Variants in ALOX15 observed in about 807,000 individuals in gnomAD.
ALOX15 encodes the protein polyunsaturated fatty acid lipoxygenase ALOX15.
A neutral mutation model predicts 71.7 loss-of-function variants in ALOX15; 68 were observed. The ratio of observed to expected loss-of-function variants is 0.95; its 90% confidence interval spans 0.78 to 1.16. ALOX15 has a LOEUF of 1.16. Among genes scored for constraint, ALOX15 ranks in the 50% most tolerant of loss-of-function variants. The pLI, the probability that ALOX15 is intolerant of heterozygous loss-of-function variation, is 0.00. For missense variants in ALOX15, 798 were observed against 818.8 expected, an observed-to-expected ratio of 0.97 and a Z score of 0.31; for synonymous variants, 346 against 333.3, an observed-to-expected ratio of 1.04 and a Z score of -0.42.
rs1449541804 is a variant in ALOX15, at chr17:4,632,149, C to A, written c.1641+32G>T. On this transcript the variant is annotated intron_variant, in intron 12 of 13. Transcript: ENST00000293761. ...CAGACCCCTCCCTCACTCCAGGCCC[C>A]AAATTCCCAGCTGCCCATCTCTGGT... The A allele has an allele frequency of 1.4e-5, 23 of 1,613,806 alleles. No homozygotes were observed. The Admixed American group carries it at 2.5e-4, about 18-fold the overall frequency.
intron 6 of ALOX15, among the ~76,000 whole-genome samples, chr17:4,637,747 T>A (rs8066248): frequency 6.6e-6 from 1 of 151,614 alleles, no homozygotes. Context: ...AGCCTCAATT[T>A]TACAGAAGAG....
At chr17:4,635,474 G>A (rs560022473) in intron 8 of ALOX15, among the ~76,000 whole-genome samples, 7 of 151,746 alleles carry the variant, frequency 4.6e-5, no homozygotes, top group African/African-American at 1.4e-4. Context: ...TCTTTTTAAC[G>A]TTATTTCACG....
At chr17:4,635,464 T>C (rs1340875361) in intron 8 of ALOX15, among the ~76,000 whole-genome samples, 1 of 151,744 alleles carries the variant, frequency 6.6e-6, no homozygotes, top group Non-Finnish European at 1.5e-5. Flanking sequence ...CTGGAAAAGA[T>C]CTTTTTAACG....
rs1911240296 is a variant in ALOX15, at chr17:4,639,493, C to T, written c.274G>A (p.Val92Ile). The T allele has an allele frequency of 1.2e-6, 2 of 1,613,844 alleles. No homozygotes were observed. Among genetic ancestry groups the T allele is most frequent in the African/African-American group, 1.3e-5 (1 of 74,940 alleles). The part of the protein sequence containing the change: ...SVQGPGAGDE[V>I]RFPCYRWVEG... ...ACCCAGCGGTAACAAGGGAACCTGA[C>T]CTCGTCCCCGGCTCCGGGGCCCTGC... Residue 92 changes from valine to isoleucine, a missense_variant, in exon 2 of 14, where the codon GTC becomes ATC. By Grantham distance (29) the Val-to-Ile change is conservative. This residue lies in a region of ALOX15 where 300 missense variants were observed against 283.1 expected (regional missense o/e 1.06). Coordinates refer to ENST00000293761, the MANE Select transcript of ALOX15 (RefSeq NM_001140.5).
At chr17:4,638,417 C>T (rs1271770964) in intron 5 of ALOX15, 40 bp from the exon 6 acceptor site, 3 of 789,270 alleles carry the variant, frequency 3.8e-6, no homozygotes, top group Non-Finnish European at 6.3e-6. Context: ...GGGATCTGAG[C>T]TCTTGGTCCT....
chr17:4,641,520 GC>G lies in ALOX15; in HGVS notation c.131del (p.Gly44AlafsTer20). 1 of 1,612,754 alleles carries G rather than the reference GC, an allele frequency of 6.2e-7. No individual in the cohort carries two copies. Among genetic ancestry groups the G allele is most frequent in the Non-Finnish European group, 8.5e-7 (1 of 1,179,742 alleles). ...CGCCCGGCTCTGGGGAGCTCACCTT[GC>G]CCCGTGCGGGCCACAGTCGCTTCCC... is the stretch of plus-strand genomic sequence containing the variant. ...ALGKRLWPAR[G>X]KETELKVEVP... On this transcript the variant is annotated frameshift_variant, in exon 1 of 14. Coordinates refer to ENST00000293761, the MANE Select transcript of ALOX15 (RefSeq NM_001140.5). LOFTEE classifies it high-confidence loss of function.
chr17:4,632,758 A>G (rs764557751), intron 11 of ALOX15, 103 bp downstream of exon 11: 17 of 1,561,706 alleles, frequency 1.1e-5, no homozygotes, highest in Non-Finnish European at 1.5e-5. Context: ...GAGTTCTCAT[A>G]GGTGTTGAAA....
intron 11 of ALOX15, among the ~76,000 whole-genome samples, chr17:4,632,487 C>T (rs1414512026): frequency 2.0e-5 from 3 of 152,176 alleles, no homozygotes; most frequent in Non-Finnish European, 2.9e-5. Context: ...CTGCTGCTGA[C>T]TCACACTGGC....
intron 1 of ALOX15, among the ~76,000 whole-genome samples, chr17:4,640,395 C>T (rs536785927): frequency 4.2e-5 from 6 of 143,564 alleles, no homozygotes; most frequent in African/African-American, 1.4e-4. Flanking sequence ...GGAGGACCGA[C>T]GACCGCTCCG....
intron 11 of ALOX15, 31 bp from the exon 12 acceptor site, chr17:4,632,312 G>C (rs761685166): frequency 1.3e-6 from 2 of 1,580,784 alleles, no homozygotes; most frequent in Non-Finnish European, 1.7e-6. Flanking sequence ...TAGAAGCTGC[G>C]AAGGCAGGAG....
At chr17:4,641,374 G>A (rs1412842524) in intron 1 of ALOX15, 143 bp downstream of exon 1, 2 of 1,213,606 alleles carry the variant, frequency 1.6e-6, no homozygotes, top group Non-Finnish European at 2.3e-6. Context: ...CACCCCCGTG[G>A]CCTCCGCGCG....
intron 4 of ALOX15, 26 bp downstream of exon 4, chr17:4,638,824 C>T (rs375123203): frequency 6.2e-6 from 10 of 1,613,860 alleles, no homozygotes; most frequent in Middle Eastern, 1.6e-4. Context: ...ACACCTCCCT[C>T]TCACCCAGCC....
At chr17:4,641,414 AAGAGAATCGGCC>A (rs1259274304) in intron 1 of ALOX15, 91 bp downstream of exon 1, 2 of 1,500,350 alleles carry the variant, frequency 1.3e-6, no homozygotes, top group Non-Finnish European at 8.9e-7. Context: ...GCCCTTGGCA[AAGAGAATCGGCC>A]AGAGGCCAAC....
chr17:4,641,381 C>G, intron 1 of ALOX15, 136 bp downstream of exon 1: 2 of 1,328,464 alleles, frequency 1.5e-6, no homozygotes, highest in Non-Finnish European at 2.0e-6. Flanking sequence ...GTGGCCTCCG[C>G]GCGCTTTGAG....
At position 4,640,853 on chromosome 17, in the gene ALOX15, G is replaced by T. The variant is rs181125902; in HGVS notation, c.135+664C>A. On this transcript the variant is annotated intron_variant, in intron 1 of 13. Coordinates refer to ENST00000293761, the MANE Select transcript of ALOX15 (RefSeq NM_001140.5). Reference sequence around the variant, plus strand: ...GGAAGGAGGCGCGGGTGACACCGGGGGAGGCAGGAGGAGAGGGCTGGGAGG... The same window carrying T: ...GGAAGGAGGCGCGGGTGACACCGGGTGAGGCAGGAGGAGAGGGCTGGGAGG... Among the ~76,000 whole-genome samples, 834 of 150,606 alleles carry T rather than the reference G, an allele frequency of 5.5e-3. 17 individuals are homozygous for T. Among genetic ancestry groups the T allele is most frequent in the East Asian group, 0.049 (236 of 4,812 alleles).
In ALOX15 at chr17:4,634,371, C is replaced by T. The variant is rs571343855; in HGVS notation, c.1162-871G>A. Among the ~76,000 whole-genome samples the T allele has an allele frequency of 4.6e-5, 7 of 150,892 alleles. No individual in the cohort carries two copies. The South Asian group carries it at 6.3e-4, about 14-fold the overall frequency. On this transcript the variant is annotated intron_variant, in intron 8 of 13. Coordinates refer to ENST00000293761, the MANE Select transcript of ALOX15 (RefSeq NM_001140.5). ...AGGCTGAAGTACAGTGGTGTGATCT[C>T]GGCTCACTGCAACCTCCGTCTTCTG...
chr17:4,641,673 C>T lies in ALOX15; in HGVS notation c.-22G>A, dbSNP rs766005247. 6.8e-7 allele frequency: 1 copy of T among 1,476,416 alleles called. No homozygotes were observed. The highest frequency in any genetic ancestry group is 2.7e-5 in the African/African-American group (1 of 37,306). The allele number at this position is 1,476,416 out of a possible 1,614,324, so 91.5% of individuals were successfully genotyped here. ...CCATCTTGCTCAAAGATGTTTCGCT[C>T]CTTCTGGTGGAGAAGGGTGGACGAG... is the stretch of plus-strand genomic sequence containing the variant. On this transcript the variant is annotated 5_prime_UTR_variant, in exon 1 of 14. Coordinates refer to ENST00000293761, the MANE Select transcript of ALOX15 (RefSeq NM_001140.5).
intron 7 of ALOX15, among the ~76,000 whole-genome samples, chr17:4,636,583 C>A (rs1211088267): frequency 6.6e-6 from 1 of 152,090 alleles, no homozygotes; most frequent in Non-Finnish European, 1.5e-5. Flanking sequence ...GGGCATGTTG[C>A]CCCAGTCCCT....
Position 4,631,601 on chromosome 17 carries a change from T to TA in ALOX15, c.1987dup (p.Ter663LeufsTer57), listed in dbSNP as rs1241137047. The TA allele has an allele frequency of 2.5e-6, 4 of 1,612,672 alleles. No homozygotes were observed. Among genetic ancestry groups the TA allele is most frequent in the African/African-American group, 1.3e-5 (1 of 74,862 alleles). On this transcript the variant is annotated frameshift_variant and stop_lost, in exon 14 of 14. Coordinates refer to ENST00000293761, the MANE Select transcript of ALOX15 (RefSeq NM_001140.5). LOFTEE classifies it high-confidence loss of function. ...GAAATAACCAAAGGGTGGCGACGCT[T>TA]AGATGGCCACACTGTTTTCCACCAC...
Sources: gnomAD v4.1 joint callset for allele counts (sites outside exome capture counted in the v4.1 genomes callset) on GRCh38, gnomAD v4.1.1 for gene constraint, gnomAD v4.1.1 regional missense constraint, MANE v1.5 for transcripts, NCBI Gene and HGNC (gene_info 2026-07-23, HGNC 2026-07-21) for gene names.